Variants in PCDHGA4 observed in about 807,000 individuals in gnomAD.
PCDHGA4 encodes protocadherin gamma-A4.
Under a neutral mutation model 54.6 loss-of-function variants are expected in PCDHGA4, and 38 were observed. The observed-to-expected ratio is 0.70, with a 90% CI of 0.54 to 0.91. PCDHGA4 has a LOEUF of 0.91. Ranked by LOEUF, PCDHGA4 falls within the 40% of genes least tolerant of loss-of-function variation. The probability of loss-of-function intolerance (pLI) is 0.00; values close to 1 mark genes in which losing one functional copy is unlikely to be tolerated. For missense variants in PCDHGA4, 1,298 were observed against 1,220.9 expected (o/e 1.06, Z -0.94); for synonymous variants, 511 against 512.9 (o/e 1.00, Z 0.05).
intron 2 of PCDHGA4, among the ~76,000 whole-genome samples, chr5:141,496,582 G>A (rs991035985): frequency 1.9e-4 from 29 of 152,100 alleles, no homozygotes; most frequent in Non-Finnish European, 3.5e-4. Flanking sequence ...TTTTAGGAAC[G>A]CAAAGCGCTT....
In PCDHGA4 at chr5:141,399,219, G is replaced by A. The variant is rs775267424; in HGVS notation, c.2514+41598G>A. The A allele has an allele frequency of 2.5e-6, 4 of 1,613,924 alleles. No homozygotes were observed. The South Asian group carries it at 3.3e-5, about 13-fold the overall frequency. On this transcript the variant is annotated intron_variant, in intron 1 of 3. Coordinates refer to ENST00000571252, the MANE Select transcript of PCDHGA4 (RefSeq NM_018917.4). Reference sequence around the variant, plus strand: ...CGGTGCCTGGAACACTAATTGCTTTGATCAAAATACATGACCAAGATTCTG... The same window carrying A: ...CGGTGCCTGGAACACTAATTGCTTTAATCAAAATACATGACCAAGATTCTG...
chr5:141,441,887 A>G, intron 1 of PCDHGA4: 1 of 344,596 alleles, frequency 2.9e-6, no homozygotes, highest in African/African-American at 2.2e-5. Context: ...CTGGTCACCA[A>G]GGTGGTGGCT....
intron 1 of PCDHGA4, chr5:141,383,874 T>C: frequency 1.2e-6 from 2 of 1,614,012 alleles, no homozygotes; most frequent in Non-Finnish European, 1.7e-6. Context: ...AAGATGGTCC[T>C]GGTAGTCTGA....
chr5:141,376,493 C>T (rs1772744309), intron 1 of PCDHGA4: 1 of 1,614,130 alleles, frequency 6.2e-7, no homozygotes, highest in Non-Finnish European at 8.5e-7. Flanking sequence ...GAAAGGAGAA[C>T]CCAGGCAACT....
At chr5:141,372,999 A>T (rs978002014) in intron 1 of PCDHGA4, among the ~76,000 whole-genome samples, 9 of 152,148 alleles carry the variant, frequency 5.9e-5, no homozygotes, top group Non-Finnish European at 7.3e-5. Flanking sequence ...TTGTTCTTTC[A>T]TAGAAAGCCT....
At chr5:141,360,919 C>G in intron 1 of PCDHGA4, 1 of 1,614,012 alleles carries the variant, frequency 6.2e-7, no homozygotes, top group Non-Finnish European at 8.5e-7. Context: ...CTTCTTTGTG[C>G]TTCAAGTGAC....
intron 1 of PCDHGA4, among the ~76,000 whole-genome samples, chr5:141,482,652 G>C (rs1276348234): frequency 6.6e-6 from 1 of 152,074 alleles, no homozygotes; most frequent in African/African-American, 2.4e-5. Flanking sequence ...GGTGATGCTT[G>C]AGCTATGATC....
At chr5:141,390,466 G>C (rs753916175) in intron 1 of PCDHGA4, 7 of 711,916 alleles carry the variant, frequency 9.8e-6, no homozygotes, top group Admixed American at 3.0e-5. Context: ...AGGAGCAATT[G>C]TGTGGCCCAA....
At chr5:141,415,504 C>A in intron 1 of PCDHGA4, 2 of 1,614,216 alleles carry the variant, frequency 1.2e-6, no homozygotes, top group Non-Finnish European at 1.7e-6. Context: ...CTTCCCCCAG[C>A]CCAATTATGC....
At chr5:141,382,585 A>C (rs543954739) in intron 1 of PCDHGA4, among the ~76,000 whole-genome samples, 8 of 152,250 alleles carry the variant, frequency 5.3e-5, no homozygotes, top group Non-Finnish European at 1.0e-4. Context: ...GGAAATTTTG[A>C]AAGATGAAAC....
At chr5:141,418,577 C>T (rs1173424447) in intron 1 of PCDHGA4, 2 of 1,614,038 alleles carry the variant, frequency 1.2e-6, no homozygotes, top group South Asian at 1.1e-5. Context: ...TGACAACCCC[C>T]CAGTGTTCAG....
intron 1 of PCDHGA4, among the ~76,000 whole-genome samples, chr5:141,459,561 C>T (rs912894386): frequency 2.6e-5 from 4 of 151,954 alleles, no homozygotes; most frequent in African/African-American, 7.3e-5. Context: ...GGATAAATAC[C>T]CCAAAACAGA....
rs761528900 is a variant in PCDHGA4 at position 141,376,319 on chromosome 5, G to A, written c.2514+18698G>A. The A allele has an allele frequency of 2.5e-6, 4 of 1,614,220 alleles. No homozygotes were observed. In the East Asian group the frequency reaches 6.7e-5, roughly 27 times the overall value. On this transcript the variant is annotated intron_variant, in intron 1 of 3. Coordinates refer to ENST00000571252, the MANE Select transcript of PCDHGA4 (RefSeq NM_018917.4). ...CTCGCACTTTGTGGGCGTGGAAGGGGTTCGGGCTTTCCTGCAGACCTATTC... is the reference window on the plus strand; with the variant it reads ...CTCGCACTTTGTGGGCGTGGAAGGGATTCGGGCTTTCCTGCAGACCTATTC...
chr5:141,383,054 T>C, intron 1 of PCDHGA4: 3 of 1,613,872 alleles, frequency 1.9e-6, no homozygotes, highest in Non-Finnish European at 2.5e-6. Flanking sequence ...GCCAAGGACC[T>C]GGGGCTGGAG....
At chr5:141,372,466 A>G in intron 1 of PCDHGA4, 1 of 1,613,906 alleles carries the variant, frequency 6.2e-7, no homozygotes, top group South Asian at 1.1e-5. Context: ...CTACAGTTTC[A>G]CCTAGTAGTG....
At chr5:141,471,046 C>CT (rs1170588345) in intron 1 of PCDHGA4, among the ~76,000 whole-genome samples, 3,156 of 113,234 alleles carry the variant, frequency 0.028, 57 homozygotes, top group African/African-American at 0.046. Context: ...CCCAAGCCCT[C>CT]TTTTTTTTTT....
At chr5:141,402,597 T>G (rs1268830791) in intron 1 of PCDHGA4, among the ~76,000 whole-genome samples, 1 of 152,254 alleles carries the variant, frequency 6.6e-6, no homozygotes, top group African/African-American at 2.4e-5. Context: ...TAGATTGCTT[T>G]TGAAATACAA....
intron 1 of PCDHGA4, chr5:141,394,355 G>A: frequency 6.2e-7 from 1 of 1,614,182 alleles, no homozygotes; most frequent in Non-Finnish European, 8.5e-7. Context: ...CCGGTGTCCT[G>A]TATGCGCTGC....
chr5:141,385,576 A>G, intron 1 of PCDHGA4: 1 of 1,288,582 alleles, frequency 7.8e-7, no homozygotes, highest in Non-Finnish European at 9.8e-7. Context: ...CTACTTTCCA[A>G]TCTATGTTCC....
Sources: allele counts gnomAD v4.1 joint callset (sites outside exome capture counted in the v4.1 genomes callset), GRCh38; gene constraint gnomAD v4.1.1; transcripts MANE v1.5; gene names NCBI Gene and HGNC (gene_info 2026-07-23, HGNC 2026-07-21).